ASIC2: variants seen among roughly 807,000 people sequenced by gnomAD.
ASIC2 encodes the protein acid-sensing ion channel 2.
ASIC2 carries 25 observed loss-of-function variants against 57.3 expected under a neutral mutation model. The observed-to-expected ratio is 0.44, with a 90% CI of 0.32 to 0.61. The LOEUF (loss-of-function observed/expected upper bound fraction) is 0.61, where lower values mean the gene tolerates loss of function less well. Among genes scored for constraint, ASIC2 ranks in the 20% least tolerant of loss-of-function variants. The probability of loss-of-function intolerance (pLI) is 0.06; values close to 1 mark genes in which losing one functional copy is unlikely to be tolerated. For missense variants in ASIC2, 641 were observed against 738.1 expected, an observed-to-expected ratio of 0.87 and a Z score of 1.52; for synonymous variants, 319 against 307.5, an observed-to-expected ratio of 1.04 and a Z score of -0.39.
At chr17:33,341,390 A>G (rs184646329) in intron 1 of ASIC2, among the ~76,000 whole-genome samples, 86 of 152,310 alleles carry the variant, frequency 5.6e-4, no homozygotes, top group African/African-American at 2.0e-3. Flanking sequence ...GAGTGAAATG[A>G]ATTTGTTGTA....
intron 3 of ASIC2, among the ~76,000 whole-genome samples, chr17:33,057,686 G>A (rs572076021): frequency 5.9e-5 from 9 of 152,328 alleles, no homozygotes; most frequent in African/African-American, 2.2e-4. Flanking sequence ...GGGTTGAACC[G>A]CCTGGAAACC....
chr17:34,149,591 T>C (rs924985243), intron 1 of ASIC2, among the ~76,000 whole-genome samples: 1 of 152,190 alleles, frequency 6.6e-6, no homozygotes, highest in African/African-American at 2.4e-5. Context: ...GCTAAGCAAT[T>C]CTAGGTGCCA....
chr17:33,730,685 C>T (rs994835864), intron 1 of ASIC2, among the ~76,000 whole-genome samples: 5 of 152,150 alleles, frequency 3.3e-5, no homozygotes, highest in East Asian at 3.9e-4. Context: ...TTTCTTGAGA[C>T]GCTTCAAGGA....
At chr17:34,097,805 C>T (rs1910601150) in intron 1 of ASIC2, among the ~76,000 whole-genome samples, 1 of 152,048 alleles carries the variant, frequency 6.6e-6, no homozygotes, top group South Asian at 2.1e-4. Context: ...TCTCACTTTA[C>T]CCTCCCCCAA....
intron 1 of ASIC2, among the ~76,000 whole-genome samples, chr17:33,933,862 C>A (rs556636949): frequency 2.6e-5 from 4 of 152,200 alleles, no homozygotes; most frequent in Non-Finnish European, 4.4e-5. Flanking sequence ...ACGAAACAGG[C>A]CTTAGAGCCT....
chr17:33,362,030 T>C (rs955238077), intron 1 of ASIC2, among the ~76,000 whole-genome samples: 7 of 152,226 alleles, frequency 4.6e-5, no homozygotes, highest in Non-Finnish European at 8.8e-5. Flanking sequence ...CACTAGTTTC[T>C]GCTGTGTGTT....
chr17:33,917,842 C>T (rs1038626326), intron 1 of ASIC2, among the ~76,000 whole-genome samples: 2 of 149,740 alleles, frequency 1.3e-5, no homozygotes, highest in Non-Finnish European at 3.0e-5. Flanking sequence ...GCTTACCAGA[C>T]CATAAAGCCC....
chr17:33,397,613 C>T (rs1438933972), intron 1 of ASIC2, among the ~76,000 whole-genome samples: 1 of 152,154 alleles, frequency 6.6e-6, no homozygotes, highest in Non-Finnish European at 1.5e-5. Context: ...ATTGGATCTA[C>T]TTTTCATTTT....
At chr17:33,055,337 C>T (rs1206162878) in intron 3 of ASIC2, among the ~76,000 whole-genome samples, 1 of 152,186 alleles carries the variant, frequency 6.6e-6, no homozygotes. Flanking sequence ...AGCTCAGTTG[C>T]CACCTTTTCC....
intron 3 of ASIC2, among the ~76,000 whole-genome samples, chr17:33,060,015 T>C (rs999281304): frequency 6.6e-6 from 1 of 152,228 alleles, no homozygotes; most frequent in Non-Finnish European, 1.5e-5. Context: ...TTGTTTGTTT[T>C]TTTTCTTGTA....
chr17:33,301,881 C>T (rs921235046), intron 1 of ASIC2, among the ~76,000 whole-genome samples: 1 of 152,178 alleles, frequency 6.6e-6, no homozygotes, highest in African/African-American at 2.4e-5. Context: ...ATCCTGTTAC[C>T]TCTGCCCACG....
Position 33,907,599 on chromosome 17 carries a change from C to T in ASIC2, c.555+248379G>A, listed in dbSNP as rs897713575. Reference sequence around the variant, plus strand: ...GCCCACCAGGCTCATCTCAGCTCTGCTCTTAGTTGTAATTCCTATTGTTTG... The same window carrying T: ...GCCCACCAGGCTCATCTCAGCTCTGTTCTTAGTTGTAATTCCTATTGTTTG... On this transcript the variant is annotated intron_variant, in intron 1 of 9. Coordinates refer to the ASIC2 transcript ENST00000359872. Among the ~76,000 whole-genome samples, 4 of 152,302 alleles carry T rather than the reference C, an allele frequency of 2.6e-5. No homozygotes were observed. The South Asian group carries it at 6.2e-4, about 24-fold the overall frequency.
At chr17:33,616,487 T>C (rs1296590853) in intron 1 of ASIC2, among the ~76,000 whole-genome samples, 1 of 152,254 alleles carries the variant, frequency 6.6e-6, no homozygotes, top group African/African-American at 2.4e-5. Flanking sequence ...AACTTACTAC[T>C]GTGATTTGAG....
chr17:33,093,387 G>T (rs1046152657), intron 2 of ASIC2, among the ~76,000 whole-genome samples: 1 of 139,964 alleles, frequency 7.1e-6, no homozygotes, highest in Non-Finnish European at 1.6e-5. Context: ...GACAGTGAAT[G>T]ATTTGTTTAC....
intron 1 of ASIC2, among the ~76,000 whole-genome samples, chr17:33,135,155 G>C (rs1818455912): frequency 6.6e-6 from 1 of 152,082 alleles, no homozygotes; most frequent in African/African-American, 2.4e-5. Context: ...TAGCCCTGCT[G>C]CCCTCATGAA....
chr17:33,722,230 C>T (rs1909409927), intron 1 of ASIC2, among the ~76,000 whole-genome samples: 1 of 152,162 alleles, frequency 6.6e-6, no homozygotes, highest in African/African-American at 2.4e-5. Flanking sequence ...TTCCTCTACA[C>T]AAGCTCTCTT....
intron 1 of ASIC2, among the ~76,000 whole-genome samples, chr17:33,501,874 G>A (rs1914110140): frequency 6.6e-6 from 1 of 152,218 alleles, no homozygotes; most frequent in Non-Finnish European, 1.5e-5. Context: ...GGAGGGCTGG[G>A]GTAAGGGGCC....
At chr17:33,288,731 C>T (rs1406053376) in intron 1 of ASIC2, among the ~76,000 whole-genome samples, 1 of 94,338 alleles carries the variant, frequency 1.1e-5, no homozygotes, top group Non-Finnish European at 2.2e-5. Context: ...CACACACACA[C>T]ACACACACAC....
intron 3 of ASIC2, among the ~76,000 whole-genome samples, chr17:33,046,654 T>C (rs2091956320): frequency 6.6e-6 from 1 of 152,134 alleles, no homozygotes; most frequent in Admixed American, 6.5e-5. Context: ...CAGATTTGTT[T>C]TCAGCTGACC....
Sources: gnomAD v4.1 joint callset for allele counts (sites outside exome capture counted in the v4.1 genomes callset) on GRCh38, gnomAD v4.1.1 for gene constraint, MANE v1.5 for transcripts, NCBI Gene and HGNC (gene_info 2026-07-23, HGNC 2026-07-21) for gene names.